The following BCKDHB variants were observed in gnomAD, a reference collection of about 807,000 sequenced individuals.
BCKDHB encodes branched chain keto acid dehydrogenase E1 subunit beta.
Under a neutral mutation model 48.5 loss-of-function variants are expected in BCKDHB, and 41 were observed. The observed-to-expected ratio is 0.85, with a 90% CI of 0.66 to 1.10. BCKDHB has a LOEUF of 1.10. Among genes scored for constraint, BCKDHB ranks in the 50% least tolerant of loss-of-function variants. The pLI is 0.00. For missense variants in BCKDHB, 496 were observed against 494.2 expected, an observed-to-expected ratio of 1.00 and a Z score of -0.03; for synonymous variants, 201 against 174.8, an observed-to-expected ratio of 1.15 and a Z score of -1.18.
chr6:80,460,232 A>G, the BCKDHB span, among the ~76,000 whole-genome samples: 5 of 152,296 alleles, frequency 3.3e-5, no homozygotes, highest in South Asian at 2.1e-4. Flanking sequence ...AATACTGAGC[A>G]TGTCTTGCAC....
At chr6:80,190,068 A>G (rs1773821954) in intron 6 of BCKDHB, among the ~76,000 whole-genome samples, 1 of 152,176 alleles carries the variant, frequency 6.6e-6, no homozygotes, top group East Asian at 1.9e-4. Context: ...GAGGAGTGAT[A>G]TATAGTAATG....
At chr6:80,319,534 A>G (rs1422042033) in intron 9 of BCKDHB, among the ~76,000 whole-genome samples, 1 of 152,172 alleles carries the variant, frequency 6.6e-6, no homozygotes, top group South Asian at 2.1e-4. Context: ...TCTCCCTCTT[A>G]CTTACGGTTT....
At position 80,277,513 on chromosome 6, in the gene BCKDHB, C is replaced by A. The variant is rs140876675; in HGVS notation, c.1038+4292C>A. Among the ~76,000 whole-genome samples, 23 of 150,588 alleles carry A rather than the reference C, an allele frequency of 1.5e-4. No homozygotes were observed. The East Asian group carries it at 4.3e-3, about 28-fold the overall frequency. On this transcript the variant is annotated intron_variant, in intron 9 of 9. Transcript: ENST00000320393. ...GCCTTTATTATTAATTTCCAACACA[C>A]CTGCATAATGAAAAAACAAATCCTG...
At chr6:80,108,996 T>A (rs1456031835) in intron 1 of BCKDHB, among the ~76,000 whole-genome samples, 1 of 152,244 alleles carries the variant, frequency 6.6e-6, no homozygotes, top group Non-Finnish European at 1.5e-5. Context: ...CAAATACAAC[T>A]TATTTAGTCG....
intron 1 of BCKDHB, among the ~76,000 whole-genome samples, chr6:80,121,815 C>T (rs1333299343): frequency 2.0e-5 from 3 of 152,322 alleles, no homozygotes; most frequent in Non-Finnish European, 2.9e-5. Flanking sequence ...GACAATTTTA[C>T]TTCCTCTTTT....
the BCKDHB span, among the ~76,000 whole-genome samples, chr6:80,363,818 A>G: frequency 5.0e-3 from 759 of 152,348 alleles, 4 homozygotes; most frequent in African/African-American, 0.017. Context: ...ACATAAAAAT[A>G]TTGAGATTAT....
chr6:80,463,236 G>C, the BCKDHB span: 1 of 152,134 alleles, frequency 6.6e-6, no homozygotes, highest in Non-Finnish European at 1.5e-5. Context: ...GACTTGTTTT[G>C]CTGGATTTTT....
chr6:80,342,061 T>C (rs192689276), intron 9 of BCKDHB, among the ~76,000 whole-genome samples: 2 of 152,308 alleles, frequency 1.3e-5, no homozygotes, highest in East Asian at 1.9e-4. Context: ...ATGATAGTTA[T>C]TGGGGCCAAA....
chr6:80,162,234 G>A (rs1772352650), intron 3 of BCKDHB, among the ~76,000 whole-genome samples: 1 of 151,944 alleles, frequency 6.6e-6, no homozygotes, highest in Non-Finnish European at 1.5e-5. Context: ...CATCCTTATT[G>A]TTAGGTAATA....
At chr6:80,303,314 A>T (rs1463721782) in intron 9 of BCKDHB, among the ~76,000 whole-genome samples, 1 of 152,116 alleles carries the variant, frequency 6.6e-6, no homozygotes, top group African/African-American at 2.4e-5. Context: ...ATGGAGAAAG[A>T]AAGTTTTTTA....
intron 3 of BCKDHB, among the ~76,000 whole-genome samples, chr6:80,138,528 G>A (rs1310005608): frequency 1.3e-5 from 2 of 151,950 alleles, no homozygotes; most frequent in African/African-American, 4.8e-5. Flanking sequence ...CCACCTATGA[G>A]TGAGAATATG....
chr6:80,415,036 A>G, the BCKDHB span, among the ~76,000 whole-genome samples: 16 of 151,866 alleles, frequency 1.1e-4, no homozygotes, highest in Admixed American at 5.9e-4. Context: ...AATTGTGAAT[A>G]GAATTGCATT....
the BCKDHB span, among the ~76,000 whole-genome samples, chr6:80,464,640 A>G: frequency 1.3e-5 from 2 of 152,152 alleles, no homozygotes; most frequent in African/African-American, 4.8e-5. Flanking sequence ...CTTGCCCTTT[A>G]TTCCTCACAC....
At chr6:80,245,172 T>C (rs1776558807) in intron 8 of BCKDHB, among the ~76,000 whole-genome samples, 1 of 152,062 alleles carries the variant, frequency 6.6e-6, no homozygotes, top group Non-Finnish European at 1.5e-5. Flanking sequence ...GAAAGTCAAC[T>C]GAATTAGAGA....
intron 8 of BCKDHB, among the ~76,000 whole-genome samples, chr6:80,270,555 G>T (rs531294957): frequency 3.5e-4 from 53 of 152,092 alleles, no homozygotes; most frequent in African/African-American, 1.1e-3. Context: ...CTAGTTCTTG[G>T]TGTTTTAGAA....
chr6:80,448,398 G>T, the BCKDHB span, among the ~76,000 whole-genome samples: 1 of 152,126 alleles, frequency 6.6e-6, no homozygotes, highest in Non-Finnish European at 1.5e-5. Context: ...GCTATGTGAA[G>T]AATATATTTT....
At chr6:80,253,917 TA>T (rs1369071034) in intron 8 of BCKDHB, among the ~76,000 whole-genome samples, 3 of 151,788 alleles carry the variant, frequency 2.0e-5, no homozygotes, top group African/African-American at 7.2e-5. Flanking sequence ...AAATAGAAAT[TA>T]AAAAAATCTA....
intron 8 of BCKDHB, among the ~76,000 whole-genome samples, chr6:80,267,453 G>T (rs143770110): frequency 6.6e-6 from 1 of 152,094 alleles, no homozygotes; most frequent in African/African-American, 2.4e-5. Context: ...AAGCCCAGCT[G>T]GTTGCGGGGA....
At chr6:80,302,165 GA>G (rs1373466754) in intron 9 of BCKDHB, among the ~76,000 whole-genome samples, 3 of 152,088 alleles carry the variant, frequency 2.0e-5, no homozygotes, top group African/African-American at 7.2e-5. Flanking sequence ...TCAGGCAAGA[GA>G]AAGAAATAAA....
Sources: gnomAD v4.1 joint callset for allele counts (sites outside exome capture counted in the v4.1 genomes callset) on GRCh38, gnomAD v4.1.1 for gene constraint, MANE v1.5 for transcripts, NCBI Gene and HGNC (gene_info 2026-07-23, HGNC 2026-07-21) for gene names.